Variants in CTNNAL1 observed in about 807,000 individuals in gnomAD.
CTNNAL1 encodes alpha-catulin.
A neutral mutation model predicts 93.6 loss-of-function variants in CTNNAL1; 69 were observed. The observed-to-expected ratio is 0.74, with a 90% CI of 0.61 to 0.90. CTNNAL1 has a LOEUF of 0.90. Among genes scored for constraint, CTNNAL1 ranks in the 40% least tolerant of loss-of-function variants. The probability of loss-of-function intolerance (pLI) is 0.00; values close to 1 mark genes in which losing one functional copy is unlikely to be tolerated. For missense variants in CTNNAL1, 836 were observed against 862.0 expected, an observed-to-expected ratio of 0.97 and a Z score of 0.38; for synonymous variants, 286 against 305.4, an observed-to-expected ratio of 0.94 and a Z score of 0.66.
chr9:108,975,077 C>T (rs1024710923), intron 8 of CTNNAL1, among the ~76,000 whole-genome samples: 2 of 152,090 alleles, frequency 1.3e-5, no homozygotes, highest in Admixed American at 1.3e-4. Flanking sequence ...GCATGAGAAT[C>T]GCTTGAACCC....
At chr9:108,965,973 T>C (rs1830941173) in intron 10 of CTNNAL1, among the ~76,000 whole-genome samples, 1 of 152,118 alleles carries the variant, frequency 6.6e-6, no homozygotes, top group Admixed American at 6.6e-5. Context: ...CACCCATGAG[T>C]ACTTGGTAGA....
rs549753295 is a variant in CTNNAL1, at chr9:109,000,591, G to C, written c.142-1335C>G. 2.0e-5 allele frequency among the ~76,000 whole-genome samples: 3 copies of C among 151,974 alleles called. No individual in the cohort carries two copies. The South Asian group carries it at 6.2e-4, about 32-fold the overall frequency. On this transcript the variant is annotated intron_variant, in intron 1 of 18. Coordinates refer to ENST00000325551, the MANE Select transcript of CTNNAL1 (RefSeq NM_003798.4). ...CTGTGTAGCTACCTGAAATTGACTG[G>C]TCTTCCTTCTAAGACAAAGCGATAT...
At chr9:108,965,352 A>G in intron 11 of CTNNAL1, 26 bp downstream of exon 11, 3 of 1,367,878 alleles carry the variant, frequency 2.2e-6, no homozygotes, top group Non-Finnish European at 1.9e-6. Context: ...ATAATAACAT[A>G]TTTCATTATG....
Position 108,965,525 on chromosome 9 carries a change from T to C in CTNNAL1, c.1444A>G (p.Ile482Val), listed in dbSNP as rs201158197. Residue 482 changes from isoleucine to valine, a missense_variant, in exon 11 of 19, where the codon ATT becomes GTT. Ile to Val is a conservative substitution (Grantham distance 29). Coordinates refer to ENST00000325551, the MANE Select transcript of CTNNAL1 (RefSeq NM_003798.4). Reference protein sequence around the residue: ...ETFQVTGQQIISAAETLTLHP... With the variant: ...ETFQVTGQQIVSAAETLTLHP... ...AATGTCAATGTTTCAGCAGCAGAAA[T>C]TATCTAAAGAAACACAATATACACC... The C allele has an allele frequency of 3.6e-5, 56 of 1,554,638 alleles. No homozygotes were observed. The highest frequency in any genetic ancestry group is 7.0e-6 in the Non-Finnish European group (8 of 1,148,766).
intron 8 of CTNNAL1, among the ~76,000 whole-genome samples, 153 bp downstream of exon 8, chr9:108,976,809 G>A (rs982200988): frequency 1.3e-5 from 2 of 151,974 alleles, no homozygotes; most frequent in African/African-American, 4.8e-5. Context: ...CTGGAATTAC[G>A]GGCATGAGCC....
At chr9:108,979,236 A>G (rs768735473) in intron 7 of CTNNAL1, 45 bp downstream of exon 7, 1 of 1,607,714 alleles carries the variant, frequency 6.2e-7, no homozygotes, top group South Asian at 1.1e-5. Context: ...CTTTATGGGA[A>G]AGCCATTATA....
At chr9:109,002,866 G>T (rs1446111435) in intron 1 of CTNNAL1, among the ~76,000 whole-genome samples, 2 of 151,970 alleles carry the variant, frequency 1.3e-5, no homozygotes, top group African/African-American at 4.8e-5. Flanking sequence ...GGTGGTGCAT[G>T]GCTGTAATCC....
intron 14 of CTNNAL1, among the ~76,000 whole-genome samples, chr9:108,949,495 G>T (rs1003600756): frequency 2.0e-5 from 3 of 152,178 alleles, no homozygotes; most frequent in African/African-American, 7.2e-5. Context: ...ATCACTTGAG[G>T]TCAGGAGTTT....
chr9:108,993,317 T>C (rs1339356659), intron 2 of CTNNAL1, among the ~76,000 whole-genome samples: 1 of 152,174 alleles, frequency 6.6e-6, no homozygotes, highest in African/African-American at 2.4e-5. Context: ...AAGACAGGGC[T>C]TTAGGCCCCA....
intron 10 of CTNNAL1, among the ~76,000 whole-genome samples, chr9:108,970,199 A>G (rs897821075): frequency 6.6e-6 from 1 of 152,260 alleles, no homozygotes; most frequent in East Asian, 1.9e-4. Context: ...TAAATGAACC[A>G]GTCTCCAATT....
intron 11 of CTNNAL1, among the ~76,000 whole-genome samples, chr9:108,959,107 C>T (rs541770038): frequency 2.0e-5 from 3 of 151,342 alleles, no homozygotes; most frequent in African/African-American, 7.3e-5. Context: ...TGCCTGTAAT[C>T]CCAGCTCTTT....
At position 108,992,622 on chromosome 9, in the gene CTNNAL1, AG is replaced by A. The variant is rs1202076322; in HGVS notation, c.519+9del. 1 of 1,591,028 alleles carries A rather than the reference AG, an allele frequency of 6.3e-7. No individual in the cohort carries two copies. Among genetic ancestry groups the A allele is most frequent in the Admixed American group, 1.8e-5 (1 of 55,226 alleles). On this transcript the variant is annotated intron_variant, in intron 3 of 18. Coordinates refer to ENST00000325551, the MANE Select transcript of CTNNAL1 (RefSeq NM_003798.4). ...AGACAAAAATACAGCAACATCAGAA[AG>A]GTAAGTACCTTATTTCTTGATGTTA...
chr9:108,967,210 C>T lies in CTNNAL1; in HGVS notation c.1441-1682G>A, dbSNP rs1025839472. ...GTGATAAAAAAAGAAGATAAAAGCC[C>T]TCTATTATGAAGCTTATACTCTAGT... On this transcript the variant is annotated intron_variant, in intron 10 of 18. Coordinates refer to ENST00000325551, the MANE Select transcript of CTNNAL1 (RefSeq NM_003798.4). Among the ~76,000 whole-genome samples the T allele has an allele frequency of 2.0e-5, 3 of 152,158 alleles. No individual in the cohort carries two copies. The East Asian group carries it at 5.8e-4, about 29-fold the overall frequency.
At chr9:108,991,798 CA>C in intron 3 of CTNNAL1, 1 of 417,562 alleles carries the variant, frequency 2.4e-6, no homozygotes, top group Non-Finnish European at 4.2e-6. Context: ...TCCTCTAGGA[CA>C]ACTCCTTCCC....
Position 108,950,593 on chromosome 9 carries a change from A to G in CTNNAL1, c.1835+1616T>C, listed in dbSNP as rs185524005. 13 of 1,550,150 alleles carry G rather than the reference A, an allele frequency of 8.4e-6. No individual in the cohort carries two copies. The East Asian group carries it at 2.9e-4, about 35-fold the overall frequency. ...TGGGACTGCATCTTCCCCACTCTTA[A>G]TCCTCCTTCTATAGGAAGGAATCTT... is the stretch of plus-strand genomic sequence containing the variant. On this transcript the variant is annotated intron_variant, in intron 14 of 18. Coordinates refer to ENST00000325551, the MANE Select transcript of CTNNAL1 (RefSeq NM_003798.4).
intron 6 of CTNNAL1, among the ~76,000 whole-genome samples, chr9:108,982,675 G>T (rs1027088410): frequency 6.6e-6 from 1 of 152,208 alleles, no homozygotes; most frequent in Non-Finnish European, 1.5e-5. Context: ...TGAGCAACAA[G>T]TTTGTACAGA....
intron 9 of CTNNAL1, among the ~76,000 whole-genome samples, chr9:108,971,576 C>T (rs1249421467): frequency 6.6e-6 from 1 of 152,186 alleles, no homozygotes; most frequent in Admixed American, 6.5e-5. Flanking sequence ...GGGAGTTCCC[C>T]CCCTGTACAT....
intron 6 of CTNNAL1, among the ~76,000 whole-genome samples, chr9:108,981,384 TAAAG>T (rs1478424899): frequency 1.3e-5 from 2 of 150,812 alleles, no homozygotes; most frequent in African/African-American, 4.9e-5. Flanking sequence ...CCCAGAGGTG[TAAAG>T]TGAAAGGTCA....
At chr9:109,000,065 C>T (rs1448513593) in intron 1 of CTNNAL1, among the ~76,000 whole-genome samples, 1 of 152,230 alleles carries the variant, frequency 6.6e-6, no homozygotes, top group East Asian at 1.9e-4. Context: ...AAGAGAATCA[C>T]TTCTACTCTT....
Sources: allele counts gnomAD v4.1 joint callset (sites outside exome capture counted in the v4.1 genomes callset), GRCh38; gene constraint gnomAD v4.1.1; transcripts MANE v1.5; gene names NCBI Gene and HGNC (gene_info 2026-07-23, HGNC 2026-07-21).